ZSWIM6: variants seen among roughly 807,000 people sequenced by gnomAD.
The protein encoded by ZSWIM6 is zinc finger SWIM-type containing 6.
A neutral mutation model predicts 113.2 loss-of-function variants in ZSWIM6; 9 were observed. The ratio of observed to expected loss-of-function variants is 0.08; its 90% CI spans 0.05 to 0.14. ZSWIM6 has a LOEUF of 0.14. Among genes scored for constraint, ZSWIM6 ranks in the 10% least tolerant of loss-of-function variants. The pLI, the probability that ZSWIM6 is intolerant of heterozygous loss-of-function variation, is 1.00. For synonymous variants in ZSWIM6, 611 were observed against 606.5 expected, an observed-to-expected ratio of 1.01 and a Z score of -0.11; for missense variants, 1,162 against 1,552.2, an observed-to-expected ratio of 0.75 and a Z score of 4.22.
intron 1 of ZSWIM6, among the ~76,000 whole-genome samples, chr5:61,450,572 G>A (rs1747065059): frequency 6.6e-6 from 1 of 152,152 alleles, no homozygotes; most frequent in Non-Finnish European, 1.5e-5. Flanking sequence ...CCTTCTGATA[G>A]GGTAGCCACT....
chr5:61,377,026 T>TA (rs1181935863), intron 1 of ZSWIM6, among the ~76,000 whole-genome samples: 1 of 94,024 alleles, frequency 1.1e-5, no homozygotes, highest in East Asian at 2.0e-4. Flanking sequence ...AATGTAATGT[T>TA]TAAAAAAAAA....
chr5:61,384,109 C>T (rs892750860), intron 1 of ZSWIM6, among the ~76,000 whole-genome samples: 6 of 150,550 alleles, frequency 4.0e-5, no homozygotes, highest in Non-Finnish European at 3.0e-5. Flanking sequence ...GGCGCGGTGG[C>T]GGGCGCCTGT....
At chr5:61,404,009 A>ATT (rs61133998) in intron 1 of ZSWIM6, among the ~76,000 whole-genome samples, 6 of 143,984 alleles carry the variant, frequency 4.2e-5, no homozygotes, top group Non-Finnish European at 3.1e-5. Flanking sequence ...TAAAAAAGTA[A>ATT]TTTTTTTTTT....
intron 1 of ZSWIM6, among the ~76,000 whole-genome samples, chr5:61,355,431 AACACACACACAC>A (rs34072520): frequency 0.084 from 10,704 of 127,290 alleles, 459 homozygotes; most frequent in East Asian, 0.16. Context: ...GAGACTTTAA[AACACACACACAC>A]ACACACACAC....
intron 1 of ZSWIM6, among the ~76,000 whole-genome samples, chr5:61,417,657 G>T (rs10514907): frequency 1.4e-4 from 22 of 152,018 alleles, no homozygotes; most frequent in South Asian, 2.1e-4. Flanking sequence ...GTAGCTAATC[G>T]GATCCTTACC....
At chr5:61,373,237 T>C (rs1387043710) in intron 1 of ZSWIM6, among the ~76,000 whole-genome samples, 2 of 152,168 alleles carry the variant, frequency 1.3e-5, no homozygotes, top group East Asian at 3.9e-4. Context: ...CATGAGCCAC[T>C]GCACCTGGCT....
intron 1 of ZSWIM6, among the ~76,000 whole-genome samples, chr5:61,354,661 G>A (rs1744861515): frequency 6.6e-6 from 1 of 152,128 alleles, no homozygotes; most frequent in African/African-American, 2.4e-5. Flanking sequence ...AAGTTGTTTG[G>A]TATTAGAGGC....
At position 61,410,411 on chromosome 5, in the gene ZSWIM6, G is replaced by A. The variant is rs977444564; in HGVS notation, c.677-62270G>A. On this transcript the variant is annotated intron_variant, in intron 1 of 13. Coordinates refer to ENST00000252744, the MANE Select transcript of ZSWIM6 (RefSeq NM_020928.2). ...TGCAACCTCTGACTCCCTGGTTCAG[G>A]CGATTCTCCTGCCTCAGCCTCCCGA... Among the ~76,000 whole-genome samples, 12 of 151,378 alleles carry A rather than the reference G, an allele frequency of 7.9e-5. No individual in the cohort carries two copies. The East Asian group carries it at 1.9e-3, about 25-fold the overall frequency.
At chr5:61,422,327 C>G (rs117156965) in intron 1 of ZSWIM6, among the ~76,000 whole-genome samples, 2 of 152,262 alleles carry the variant, frequency 1.3e-5, no homozygotes, top group East Asian at 3.9e-4. Context: ...AGAGACTGTC[C>G]TTTTCCCAAA....
chr5:61,531,796 A>AG (rs1214475068), intron 9 of ZSWIM6, 71 bp downstream of exon 9: 1 of 1,497,708 alleles, frequency 6.7e-7, no homozygotes, highest in African/African-American at 1.4e-5. Context: ...TTATGTTAAA[A>AG]GTGCTATCTG....
chr5:61,510,758 TG>T (rs1288330963), intron 4 of ZSWIM6, among the ~76,000 whole-genome samples: 17 of 152,148 alleles, frequency 1.1e-4, no homozygotes. Context: ...GTATTGAACT[TG>T]CTTTTATTGT....
chr5:61,403,845 G>A (rs1745987970), intron 1 of ZSWIM6, among the ~76,000 whole-genome samples: 1 of 152,114 alleles, frequency 6.6e-6, no homozygotes, highest in Non-Finnish European at 1.5e-5. Context: ...ATTAAGTGAT[G>A]TTTTTGACAG....
At position 61,445,580 on chromosome 5, in the gene ZSWIM6, G is replaced by C. The variant is rs75522282; in HGVS notation, c.677-27101G>C. Among the ~76,000 whole-genome samples, 121 of 152,234 alleles carry C rather than the reference G, an allele frequency of 7.9e-4. No individual in the cohort carries two copies. The East Asian group carries it at 0.016, about 20-fold the overall frequency. On this transcript the variant is annotated intron_variant, in intron 1 of 13. Transcript: ENST00000252744. Reference sequence around the variant, plus strand: ...ATCCAAGTGAATGTTACTTAATTTTGATAATGGTGAACACAACTAAAGTTT... The same window carrying C: ...ATCCAAGTGAATGTTACTTAATTTTCATAATGGTGAACACAACTAAAGTTT...
chr5:61,475,311 T>C (rs1457019395), intron 2 of ZSWIM6, among the ~76,000 whole-genome samples: 2 of 152,212 alleles, frequency 1.3e-5, no homozygotes, highest in Non-Finnish European at 2.9e-5. Context: ...GTTCTGCATT[T>C]GTCTTGCTTG....
chr5:61,513,961 A>G (rs1167702280), intron 4 of ZSWIM6, among the ~76,000 whole-genome samples: 1 of 152,104 alleles, frequency 6.6e-6, no homozygotes, highest in African/African-American at 2.4e-5. Context: ...TCTTGTCACT[A>G]TACACACAAA....
chr5:61,500,971 C>T (rs2112229629), intron 4 of ZSWIM6, among the ~76,000 whole-genome samples: 1 of 152,220 alleles, frequency 6.6e-6, no homozygotes, highest in East Asian at 1.9e-4. Context: ...ATAAGCTGTC[C>T]TGCTGGGATG....
At chr5:61,421,065 G>T (rs754239114) in intron 1 of ZSWIM6, among the ~76,000 whole-genome samples, 1 of 151,770 alleles carries the variant, frequency 6.6e-6, no homozygotes, top group African/African-American at 2.4e-5. Flanking sequence ...AATTACCGGC[G>T]CACCCTGCTC....
intron 1 of ZSWIM6, among the ~76,000 whole-genome samples, chr5:61,453,973 T>C (rs1747144426): frequency 6.6e-6 from 1 of 152,136 alleles, no homozygotes; most frequent in Non-Finnish European, 1.5e-5. Flanking sequence ...TATTACTATG[T>C]TATTCTAATG....
chr5:61,388,786 G>A (rs1745643593), intron 1 of ZSWIM6, among the ~76,000 whole-genome samples: 1 of 152,126 alleles, frequency 6.6e-6, no homozygotes. Flanking sequence ...GTGGCTTTGG[G>A]CATTTTGCTG....
Sources: gnomAD v4.1 joint callset for allele counts (sites outside exome capture counted in the v4.1 genomes callset) on GRCh38, gnomAD v4.1.1 for gene constraint, MANE v1.5 for transcripts, NCBI Gene and HGNC (gene_info 2026-07-23, HGNC 2026-07-21) for gene names.